The following PTK2 variants were observed in gnomAD, a reference collection of about 807,000 sequenced individuals.
The protein encoded by PTK2 is focal adhesion kinase 1.
Under a neutral mutation model 150.1 loss-of-function variants are expected in PTK2, and 45 were observed. The observed-to-expected ratio is 0.30, with a 90% CI of 0.24 to 0.38. The LOEUF (loss-of-function observed/expected upper bound fraction) is 0.38, where lower values mean the gene tolerates loss of function less well. Among genes scored for constraint, PTK2 ranks in the 10% least tolerant of loss-of-function variants. The probability of loss-of-function intolerance (pLI) is 1.00; values close to 1 mark genes in which losing one functional copy is unlikely to be tolerated. For missense variants in PTK2, 919 were observed against 1,307.3 expected, an observed-to-expected ratio of 0.70 and a Z score of 4.58; for synonymous variants, 432 against 449.2, an observed-to-expected ratio of 0.96 and a Z score of 0.48.
chr8:140,911,850 C>T (rs929519362), intron 2 of PTK2, among the ~76,000 whole-genome samples: 3 of 152,018 alleles, frequency 2.0e-5, no homozygotes, highest in South Asian at 2.1e-4. Context: ...CCTGATAAAA[C>T]GATTACAAGG....
intron 3 of PTK2, among the ~76,000 whole-genome samples, chr8:140,889,426 G>C (rs910563046): frequency 6.6e-6 from 1 of 151,698 alleles, no homozygotes; most frequent in Non-Finnish European, 1.5e-5. Flanking sequence ...ATGGGGTTTC[G>C]CCATGTTGGC....
intron 17 of PTK2, among the ~76,000 whole-genome samples, chr8:140,749,643 C>A (rs1022105904): frequency 6.6e-6 from 1 of 152,198 alleles, no homozygotes; most frequent in Non-Finnish European, 1.5e-5. Context: ...GAGCTGAATA[C>A]TTGGGACAGG....
At chr8:140,858,263 G>A (rs1273976381) in intron 5 of PTK2, among the ~76,000 whole-genome samples, 1 of 151,860 alleles carries the variant, frequency 6.6e-6, no homozygotes, top group Non-Finnish European at 1.5e-5. Flanking sequence ...TGGAGAGACT[G>A]AGGAGTTCTA....
At chr8:140,977,351 C>T (rs141742890) in intron 1 of PTK2, among the ~76,000 whole-genome samples, 25 of 152,098 alleles carry the variant, frequency 1.6e-4, no homozygotes, top group Non-Finnish European at 2.2e-4. Context: ...AGCATGGGCG[C>T]GGTAGCTCAC....
intron 17 of PTK2, among the ~76,000 whole-genome samples, chr8:140,749,617 T>G (rs1297495302): frequency 1.3e-5 from 2 of 152,354 alleles, no homozygotes; most frequent in East Asian, 3.9e-4. Flanking sequence ...GTCCTGTCTG[T>G]GGATGTACAA....
chr8:140,963,780 T>C (rs1158012961), intron 1 of PTK2, among the ~76,000 whole-genome samples: 2 of 152,174 alleles, frequency 1.3e-5, no homozygotes, highest in African/African-American at 4.8e-5. Context: ...TCTAAGCCTT[T>C]ACCTCTTCCT....
At chr8:140,971,118 G>A (rs897331909) in intron 1 of PTK2, among the ~76,000 whole-genome samples, 3 of 152,062 alleles carry the variant, frequency 2.0e-5, no homozygotes, top group African/African-American at 7.2e-5. Context: ...TAGTCTGTGT[G>A]GAACTACAAA....
chr8:140,872,494 G>A (rs919914969), intron 4 of PTK2, among the ~76,000 whole-genome samples: 2 of 152,266 alleles, frequency 1.3e-5, no homozygotes, highest in South Asian at 4.1e-4. Context: ...ACTTAACTGG[G>A]CTCTCCCAGC....
intron 18 of PTK2, among the ~76,000 whole-genome samples, chr8:140,746,237 T>C (rs2100058663): frequency 6.6e-6 from 1 of 151,884 alleles, no homozygotes; most frequent in African/African-American, 2.4e-5. Flanking sequence ...GAAGTTGAGG[T>C]GGGAGATCGC....
chr8:140,856,611 T>C (rs1209267376), intron 5 of PTK2, among the ~76,000 whole-genome samples: 2 of 152,154 alleles, frequency 1.3e-5, no homozygotes, highest in African/African-American at 4.8e-5. Flanking sequence ...CAATGGTTGC[T>C]TGGGGCAATG....
intron 1 of PTK2, among the ~76,000 whole-genome samples, chr8:140,956,533 C>T (rs972631136): frequency 1.3e-5 from 2 of 152,174 alleles, no homozygotes; most frequent in African/African-American, 4.8e-5. Context: ...GTAGAGTACA[C>T]GCCTTCTACT....
chr8:140,914,154 A>C (rs1165474125), intron 2 of PTK2, among the ~76,000 whole-genome samples: 1 of 152,096 alleles, frequency 6.6e-6, no homozygotes, highest in Non-Finnish European at 1.5e-5. Context: ...CCTAAATCCA[A>C]CTCTAAAATT....
chr8:140,692,641 C>CAA (rs67640984), intron 26 of PTK2, among the ~76,000 whole-genome samples: 3 of 144,252 alleles, frequency 2.1e-5, no homozygotes, highest in African/African-American at 7.6e-5. Flanking sequence ...ACAAACAAGC[C>CAA]AAAAAAAAAA....
intron 4 of PTK2, among the ~76,000 whole-genome samples, chr8:140,871,744 T>C (rs188989031): frequency 2.7e-4 from 41 of 152,312 alleles, no homozygotes; most frequent in Non-Finnish European, 2.5e-4. Context: ...TTGAGTGTGA[T>C]GGCAAACACC....
intron 10 of PTK2, among the ~76,000 whole-genome samples, chr8:140,806,028 T>G (rs954695762): frequency 6.6e-6 from 1 of 151,988 alleles, no homozygotes; most frequent in Non-Finnish European, 1.5e-5. Context: ...TTTCAGGGGG[T>G]GGGTTGTTTT....
At chr8:140,815,496 T>G (rs964887731) in intron 10 of PTK2, among the ~76,000 whole-genome samples, 1 of 152,096 alleles carries the variant, frequency 6.6e-6, no homozygotes, top group Admixed American at 6.5e-5. Context: ...CAAAGTAATC[T>G]GTATGATAAA....
intron 10 of PTK2, among the ~76,000 whole-genome samples, chr8:140,816,174 A>C (rs145693294): frequency 1.3e-5 from 2 of 152,338 alleles, no homozygotes; most frequent in Admixed American, 1.3e-4. Context: ...AATATCTTCT[A>C]TGCTCACAAT....
chr8:140,895,817 C>T lies in PTK2; in HGVS notation c.-32-5048G>A, dbSNP rs113323258. Among the ~76,000 whole-genome samples the T allele has an allele frequency of 2.9e-3, 447 of 152,160 alleles. 4 individuals carry two copies. The highest frequency in any genetic ancestry group is 0.021 in the Middle Eastern group (6 of 292). ...TATGCACTGTATGCCTATATCAAAA[C>T]GTCTCATGTACCCCATAAATATATA... On this transcript the variant is annotated intron_variant, in intron 2 of 31. Coordinates refer to ENST00000522684, the Ensembl canonical transcript of PTK2.
chr8:140,926,467 T>C (rs1353516128), intron 1 of PTK2, among the ~76,000 whole-genome samples: 2 of 152,012 alleles, frequency 1.3e-5, no homozygotes, highest in African/African-American at 4.8e-5. Flanking sequence ...TGAGGACCAA[T>C]GGGACAAAGA....
Sources: allele counts gnomAD v4.1 joint callset (sites outside exome capture counted in the v4.1 genomes callset), GRCh38; gene constraint gnomAD v4.1.1; transcripts MANE v1.5; gene names NCBI Gene and HGNC (gene_info 2026-07-23, HGNC 2026-07-21).